The following KBTBD2 variants were observed in gnomAD, a reference collection of about 807,000 sequenced individuals.
The protein encoded by KBTBD2 is kelch repeat and BTB domain-containing protein 2.
A neutral mutation model predicts 57.1 loss-of-function variants in KBTBD2; 17 were observed. The observed-to-expected ratio is 0.30, with a 90% confidence interval of 0.20 to 0.45. KBTBD2 has a LOEUF of 0.45. Ranked by LOEUF, KBTBD2 falls within the 20% of genes least tolerant of loss-of-function variation. KBTBD2 has a pLI of 1.00. For synonymous variants in KBTBD2, 267 were observed against 262.7 expected, an observed-to-expected ratio of 1.02 and a Z score of -0.16; for missense variants, 515 against 750.6, an observed-to-expected ratio of 0.69 and a Z score of 3.67.
rs764818088 is a variant in KBTBD2 at position 32,879,554 on chromosome 7, CAAT to C, written c.48_50del (p.Leu18del). 1.2e-6 allele frequency: 2 copies of C among 1,613,518 alleles called. No individual in the cohort carries two copies. Among genetic ancestry groups the C allele is most frequent in the Non-Finnish European group, 1.7e-6 (2 of 1,179,652 alleles). On this transcript the variant is annotated inframe_deletion, in exon 2 of 4. Transcript: ENST00000304056. Reference sequence around the variant, plus strand: ...CATAAAACAGTTTCAACTGTTCCAACAATGACACAGCATATTCAGTATTGATCT... The same window carrying C: ...CATAAAACAGTTTCAACTGTTCCAACGACACAGCATATTCAGTATTGATCT...
chr7:32,881,206 A>C (rs1784437914), intron 1 of KBTBD2, among the ~76,000 whole-genome samples: 1 of 152,082 alleles, frequency 6.6e-6, no homozygotes, highest in Admixed American at 6.5e-5. Flanking sequence ...CTAACTGCTC[A>C]AGGGGGCAAA....
Position 32,870,218 on chromosome 7 carries a change from ATTTGTT to A in KBTBD2, c.993_998del (p.Lys331_Thr332del). The A allele has an allele frequency of 6.2e-7, 1 of 1,614,070 alleles. No homozygotes were observed. Among genetic ancestry groups the A allele is most frequent in the Non-Finnish European group, 8.5e-7 (1 of 1,180,014 alleles). Reference sequence around the variant, plus strand: ...TCTGAAGTTTGCTTGTTTTACTGTGATTTGTTTTTGTGTTTTTCAGAGGAACTTGAC... The same window carrying A: ...TCTGAAGTTTGCTTGTTTTACTGTGATTTGTGTTTTTCAGAGGAACTTGAC... On this transcript the variant is annotated inframe_deletion, in exon 4 of 4. Coordinates refer to ENST00000304056, the MANE Select transcript of KBTBD2 (RefSeq NM_015483.3).
intron 1 of KBTBD2, among the ~76,000 whole-genome samples, chr7:32,884,984 ATATATACACATATATGTG>A (rs897297736): frequency 1.7e-5 from 2 of 118,390 alleles, no homozygotes; most frequent in African/African-American, 3.8e-5. Flanking sequence ...GTGTATATAT[ATATATACACATATATGTG>A]TATATATATA....
intron 3 of KBTBD2, among the ~76,000 whole-genome samples, chr7:32,872,307 C>T (rs1293211638): frequency 6.6e-6 from 1 of 152,166 alleles, no homozygotes; most frequent in Non-Finnish European, 1.5e-5. Flanking sequence ...ATTACTAGTG[C>T]ACCAGCAAGC....
intron 1 of KBTBD2, chr7:32,891,059 C>T (rs1056728595): frequency 6.6e-6 from 1 of 152,162 alleles, no homozygotes; most frequent in Non-Finnish European, 1.5e-5. Flanking sequence ...TCGTCTAGAC[C>T]TCTCTTGGTT....
chr7:32,869,758 G>A lies in KBTBD2; in HGVS notation c.1459C>T (p.Leu487Phe), dbSNP rs1366443712. Reference protein sequence around the residue: ...LHIATNSGIRLPSGTVDGSSV... With the variant: ...LHIATNSGIRFPSGTVDGSSV... ...GACCCATCTACAGTGCCAGAGGGGAGTCTTATGCCGGAATTGGTAGCAATA... is the reference window on the plus strand; with the variant it reads ...GACCCATCTACAGTGCCAGAGGGGAATCTTATGCCGGAATTGGTAGCAATA... The change falls in exon 4 of 4, where the codon CTC (leucine) becomes TTC (phenylalanine). Residue 487 changes from leucine (L) to phenylalanine (F), a missense_variant. By Grantham distance (22) the Leu-to-Phe change is conservative. Transcript: ENST00000304056. 1 of 1,614,042 alleles carries A rather than the reference G, an allele frequency of 6.2e-7. No homozygotes were observed. The highest frequency in any genetic ancestry group is 1.1e-5 in the South Asian group (1 of 91,084).
intron 1 of KBTBD2, among the ~76,000 whole-genome samples, chr7:32,888,109 T>C (rs1489706451): frequency 6.6e-6 from 1 of 152,252 alleles, no homozygotes. Context: ...AATGGTATTT[T>C]ACATAAGAGA....
intron 2 of KBTBD2, among the ~76,000 whole-genome samples, chr7:32,878,090 T>G (rs921679086): frequency 3.4e-4 from 50 of 147,090 alleles, no homozygotes; most frequent in Non-Finnish European, 3.0e-5. Flanking sequence ...CCAGCCTGGG[T>G]GACAGATTGC....
intron 2 of KBTBD2, among the ~76,000 whole-genome samples, chr7:32,876,693 C>T (rs1427214431): frequency 6.6e-6 from 1 of 152,172 alleles, no homozygotes; most frequent in East Asian, 1.9e-4. Context: ...TGGTGGCTCA[C>T]ACTTGTAATC....
Position 32,869,846 on chromosome 7 carries a change from A to C in KBTBD2, c.1371T>G (p.Thr457=). ...DSWVEMAMRQ[T]SRSFASAAAF... is the part of the protein sequence containing the mutation. The stretch of plus-strand genomic sequence containing the variant: ...CTGCAGCTGAAGCAAAGGACCTACT[A>C]GTCTGTCTCATGGCCATTTCTACCC... Residue 457 remains threonine (T), a synonymous_variant, in exon 4 of 4, where the codon ACT becomes ACG. Coordinates refer to ENST00000304056, the MANE Select transcript of KBTBD2 (RefSeq NM_015483.3). The C allele has an allele frequency of 6.2e-7, 1 of 1,613,734 alleles. No homozygotes were observed. Among genetic ancestry groups the C allele is most frequent in the Non-Finnish European group, 8.5e-7 (1 of 1,180,016 alleles).
At position 32,887,466 on chromosome 7, in the gene KBTBD2, T is replaced by C. The variant is rs551406745; in HGVS notation, c.-339+4070A>G. Among the ~76,000 whole-genome samples the C allele has an allele frequency of 4.6e-4, 70 of 152,358 alleles. 1 individual carries two copies. In the South Asian group the frequency reaches 0.011, roughly 24 times the overall value. ...ATTTAATCATTCCTCAATGTGTACATAGATTGAAACATCACATTGTAGCCC... is the reference window on the plus strand; with the variant it reads ...ATTTAATCATTCCTCAATGTGTACACAGATTGAAACATCACATTGTAGCCC... On this transcript the variant is annotated intron_variant, in intron 1 of 3. Transcript: ENST00000304056.
intron 1 of KBTBD2, among the ~76,000 whole-genome samples, chr7:32,880,173 A>G (rs1032747242): frequency 6.6e-5 from 10 of 152,352 alleles, no homozygotes; most frequent in Non-Finnish European, 1.3e-4. Context: ...TATACAAAAT[A>G]TAACTGTCAC....
chr7:32,869,432 T>C lies in KBTBD2; in HGVS notation c.1785A>G (p.Pro595=), dbSNP rs779345203. The part of the protein sequence containing the change: ...KLYPSCLEES[P]WKPPTYLFST... ...AAAAAAGATAAGTTGGTGGTTTCCATGGAGACTCTTCAAGGCAGGATGGAT... is the reference window on the plus strand; with the variant it reads ...AAAAAAGATAAGTTGGTGGTTTCCACGGAGACTCTTCAAGGCAGGATGGAT... The change falls in exon 4 of 4, where the codon CCA becomes CCG. Residue 595 remains proline (P), a synonymous_variant. Coordinates refer to ENST00000304056, the MANE Select transcript of KBTBD2 (RefSeq NM_015483.3). 5.0e-6 allele frequency: 8 copies of C among 1,614,020 alleles called. No homozygotes were observed. The highest frequency in any genetic ancestry group is 3.3e-5 in the Admixed American group (2 of 59,986).
At position 32,875,033 on chromosome 7, in the gene KBTBD2, T is replaced by C. The variant is rs765563811; in HGVS notation, c.295A>G (p.Ser99Gly). Residue 99 changes from serine to glycine, a missense_variant, in exon 3 of 4, where the codon AGC (serine) becomes GGC (glycine). Coordinates refer to ENST00000304056, the MANE Select transcript of KBTBD2 (RefSeq NM_015483.3). The part of the protein sequence containing the change: ...AYTGNLAMND[S>G]TVEQLYETAC... ...GTTTCATAAAGCTGTTCTACAGTGC[T>C]GTCATTCATTGCCAAGTTACCCGTG... 6.2e-7 allele frequency: 1 copy of C among 1,614,212 alleles called. No individual in the cohort carries two copies. The highest frequency in any genetic ancestry group is 1.7e-5 in the Admixed American group (1 of 60,028).
rs75912998 is a variant in KBTBD2 at position 32,881,775 on chromosome 7, G to A, written c.-338-1833C>T. Among the ~76,000 whole-genome samples, 396 of 152,328 alleles carry A rather than the reference G, an allele frequency of 2.6e-3. 1 individual carries two copies. Among genetic ancestry groups the A allele is most frequent in the African/African-American group, 9.2e-3 (382 of 41,570 alleles). On this transcript the variant is annotated intron_variant, in intron 1 of 3. Coordinates refer to ENST00000304056, the MANE Select transcript of KBTBD2 (RefSeq NM_015483.3). ...CACATTAATAATGCAGCAAGGCATAGTGTTGTTGAGGGTGTGGAAAAACAA... is the reference window on the plus strand; with the variant it reads ...CACATTAATAATGCAGCAAGGCATAATGTTGTTGAGGGTGTGGAAAAACAA...
chr7:32,870,652 C>T lies in KBTBD2; in HGVS notation c.565G>A (p.Glu189Lys). The T allele has an allele frequency of 6.2e-7, 1 of 1,614,108 alleles. No homozygotes were observed. Among genetic ancestry groups the T allele is most frequent in the Admixed American group, 1.7e-5 (1 of 60,018 alleles). The change falls in exon 4 of 4, where the codon GAA becomes AAA. Residue 189 changes from glutamate to lysine, a missense_variant. Transcript: ENST00000304056. ...GCTTCTCGAACGGTTTCTTCCTTTT[C>T]TACATTTAAATTGTCACTACTGAGA... is the stretch of plus-strand genomic sequence containing the variant. ...DILSSDNLNV[E>K]KEETVREAAM...
chr7:32,870,948 G>T, intron 3 of KBTBD2, 68 bp from the exon 4 acceptor site: 1 of 906,620 alleles, frequency 1.1e-6, no homozygotes, highest in Non-Finnish European at 1.6e-6. Context: ...TTTTATGTAA[G>T]ACGTAAGTAT....
chr7:32,889,030 T>A (rs1301793285), intron 1 of KBTBD2, among the ~76,000 whole-genome samples: 1 of 152,164 alleles, frequency 6.6e-6, no homozygotes, highest in African/African-American at 2.4e-5. Context: ...TGGGGAAAAG[T>A]GGCCAGGCGC....
At chr7:32,889,569 C>T (rs983492590) in intron 1 of KBTBD2, among the ~76,000 whole-genome samples, 3 of 151,006 alleles carry the variant, frequency 2.0e-5, no homozygotes, top group African/African-American at 7.4e-5. Context: ...ACACTGCACA[C>T]CAGCCTGAGT....
Sources: allele counts gnomAD v4.1 joint callset (sites outside exome capture counted in the v4.1 genomes callset), GRCh38; gene constraint gnomAD v4.1.1; transcripts MANE v1.5; gene names NCBI Gene and HGNC (gene_info 2026-07-23, HGNC 2026-07-21).